Variants in SATB1 observed in about 807,000 individuals in gnomAD.
SATB1 encodes DNA-binding protein SATB1.
In SATB1, 11 loss-of-function variants were observed where a neutral mutation model predicts 86.9. The observed-to-expected ratio is 0.13, with a 90% CI of 0.08 to 0.21. SATB1 has a LOEUF of 0.21. Ranked by LOEUF, SATB1 falls within the 10% of genes least tolerant of loss-of-function variation. The pLI is 1.00. For synonymous variants in SATB1, 357 were observed against 357.2 expected, an observed-to-expected ratio of 1.00 and a Z score of 0.01; for missense variants, 551 against 937.6, an observed-to-expected ratio of 0.59 and a Z score of 5.39.
intron 9 of SATB1, among the ~76,000 whole-genome samples, chr3:18,374,074 C>T (rs189523590): frequency 6.6e-6 from 1 of 152,268 alleles, no homozygotes; most frequent in African/African-American, 2.4e-5. Context: ...CCTTTACTGT[C>T]TTACTGCACT....
Position 18,416,896 on chromosome 3 carries a change from A to G in SATB1, c.388+6T>C, listed in dbSNP as rs577140171. 1 of 1,597,906 alleles carries G rather than the reference A, an allele frequency of 6.3e-7. No individual in the cohort carries two copies. Among genetic ancestry groups the G allele is most frequent in the South Asian group, 1.1e-5 (1 of 88,430 alleles). ...ATTTTTCCAACCCCACGTACACATT[A>G]TTTACCTTTGGCCTGGGCAGCAGAG... On this transcript the variant is annotated splice_donor_region_variant and intron_variant, in intron 3 of 10. Transcript: ENST00000338745.
In SATB1 at chr3:18,386,307, GTATC is replaced by G. The variant is rs975325234; in HGVS notation, c.1419+88_1419+91del. The stretch of plus-strand genomic sequence containing the variant: ...CGAATTTAAAAACATATAAATCTAT[GTATC>G]TATCTATCTAATTTCTTATTGAGAT... On this transcript the variant is annotated intron_variant, in intron 8 of 10. Transcript: ENST00000338745. This position sits in a 1 kb window ranked among gnomAD's most constrained non-coding sequence, Gnocchi z 4.5. 13 of 950,274 alleles carry G rather than the reference GTATC, an allele frequency of 1.4e-5. No homozygotes were observed. The highest frequency in any genetic ancestry group is 2.0e-5 in the Non-Finnish European group (12 of 613,550). The allele number at this position is 950,274 out of a possible 1,614,324, so 58.9% of individuals were successfully genotyped here.
Position 18,394,804 on chromosome 3 carries a change from G to A in SATB1, c.864C>T (p.Leu288=), listed in dbSNP as rs1350318136. Residue 288 remains leucine, a synonymous_variant, in exon 7 of 11, where the codon CTC becomes CTT. Transcript: ENST00000338745. The surrounding 1 kb of genome is among the most constrained non-coding windows in gnomAD (Gnocchi z 5.9). ...GGACAGAGGGCTGGCTGCCATGGGA[G>A]AGCTGCGCAGGGGATGGAGGCTGCT... The part of the protein sequence containing the change: ...TAEQPPSPAQ[L]SHGSQPSVRT... 1.2e-6 allele frequency: 2 copies of A among 1,614,056 alleles called. No homozygotes were observed. The highest frequency in any genetic ancestry group is 1.7e-6 in the Non-Finnish European group (2 of 1,180,046).
chr3:18,352,337 AACTTGTT>A lies in SATB1; in HGVS notation c.1576-149_1576-143del. The A allele has an allele frequency of 1.4e-6, 1 of 692,826 alleles. No individual in the cohort carries two copies. The highest frequency in any genetic ancestry group is 2.4e-6 in the Non-Finnish European group (1 of 417,536). 42.9% of individuals were successfully genotyped at this position (692,826 alleles called of 1,614,324 possible). On this transcript the variant is annotated intron_variant, in intron 9 of 10. Transcript: ENST00000338745. The surrounding 1 kb of genome is among the most constrained non-coding windows in gnomAD (Gnocchi z 4.1). ...CCATTCTGCTTTAAAAATTGTTTTTAACTTGTTAAGAGAGGTTATCTGTGGCTGTCAA... is the reference window on the plus strand; with the variant it reads ...CCATTCTGCTTTAAAAATTGTTTTTAAAGAGAGGTTATCTGTGGCTGTCAA...
chr3:18,409,501 T>C (rs1025763077), intron 5 of SATB1: 5 of 152,088 alleles, frequency 3.3e-5, no homozygotes, highest in Non-Finnish European at 7.4e-5. Flanking sequence ...AATTATTTGA[T>C]GTAAGTTTTG....
intron 7 of SATB1, among the ~76,000 whole-genome samples, chr3:18,387,917 T>C (rs1696426537): frequency 1.3e-5 from 2 of 152,314 alleles, no homozygotes; most frequent in African/African-American, 2.4e-5. Context: ...TAATGTACCA[T>C]GTTGCCGAAA....
At chr3:18,358,167 A>G (rs1488417368) in intron 9 of SATB1, among the ~76,000 whole-genome samples, 1 of 152,002 alleles carries the variant, frequency 6.6e-6, no homozygotes, top group East Asian at 1.9e-4. Context: ...AAGGCATTAA[A>G]GTTGAGGGCA....
At chr3:18,382,328 T>C (rs779521310) in intron 8 of SATB1, among the ~76,000 whole-genome samples, 1 of 152,196 alleles carries the variant, frequency 6.6e-6, no homozygotes, top group Non-Finnish European at 1.5e-5. Flanking sequence ...GTAATTCATG[T>C]AAAAGCTGTA....
At chr3:18,379,374 G>A (rs552312931) in intron 8 of SATB1, among the ~76,000 whole-genome samples, 1 of 152,116 alleles carries the variant, frequency 6.6e-6, no homozygotes, top group African/African-American at 2.4e-5. Context: ...AATTACTACA[G>A]ATACAAAACC....
In SATB1 at chr3:18,346,973, AT is replaced by A. The variant is rs1694089422; in HGVS notation, c.*2196del. ...GCCAGAATGTTTGTTTTCTTACTAA[AT>A]AAAAAGTGGCAACTTTTCAGTACAA... is the stretch of plus-strand genomic sequence containing the variant. On this transcript the variant is annotated 3_prime_UTR_variant, in exon 11 of 11. Coordinates refer to ENST00000338745, the MANE Select transcript of SATB1 (RefSeq NM_002971.6). 1 of 152,164 alleles carries A rather than the reference AT, an allele frequency of 6.6e-6. No individual in the cohort carries two copies. Among genetic ancestry groups the A allele is most frequent in the Non-Finnish European group, 1.5e-5 (1 of 68,024 alleles). The allele number at this position is 152,164 out of a possible 1,614,324, so 9.4% of individuals were successfully genotyped here. A position where few individuals can be genotyped will look rare whatever the true frequency, so the allele number is the denominator to read the frequency against.
intron 1 of SATB1, chr3:18,445,158 G>C (rs1198819506): frequency 1.1e-6 from 1 of 906,294 alleles, no homozygotes; most frequent in Non-Finnish European, 1.3e-6. Flanking sequence ...TGCGGCGCGG[G>C]CTGGCCAGCG....
Position 18,444,556 on chromosome 3 carries a change from A to G in SATB1, c.-25+962T>C. On this transcript the variant is annotated intron_variant, in intron 1 of 3. Coordinates refer to the SATB1 transcript ENST00000415069. The surrounding 1 kb of genome is among the most constrained non-coding windows in gnomAD (Gnocchi z 5.1). ...ATTCCGGAAAAAGAGGGACAGAGAT[A>G]AAACAGCAAGAGTAGCAAGGGGAAA... 2 of 982,662 alleles carry G rather than the reference A, an allele frequency of 2.0e-6. No individual in the cohort carries two copies. Among genetic ancestry groups the G allele is most frequent in the African/African-American group, 1.7e-5 (1 of 57,296 alleles). 60.9% of individuals were successfully genotyped at this position (982,662 alleles called of 1,614,324 possible).
rs1354104343 is a variant in SATB1 at position 18,425,129 on chromosome 3, G to A, written c.-1527C>T. On this transcript the variant is annotated 5_prime_UTR_variant, in exon 1 of 11. Coordinates refer to ENST00000338745, the MANE Select transcript of SATB1 (RefSeq NM_002971.6). Reference sequence around the variant, plus strand: ...GTCCGCCCGGGCTGCAGCCCTCTCCGCCGCTGCTCCTGCTGCTGCTGCCGC... The same window carrying A: ...GTCCGCCCGGGCTGCAGCCCTCTCCACCGCTGCTCCTGCTGCTGCTGCCGC... 1.2e-5 allele frequency: 2 copies of A among 172,584 alleles called. No individual in the cohort carries two copies. The highest frequency in any genetic ancestry group is 6.4e-5 in the Admixed American group (1 of 15,608). 10.7% of individuals were successfully genotyped at this position (172,584 alleles called of 1,614,324 possible). A position where few individuals can be genotyped will look rare whatever the true frequency, so the allele number is the denominator to read the frequency against.
At chr3:18,442,194 C>T (rs181051854), upstream of SATB1, among the ~76,000 whole-genome samples, 11 of 152,136 alleles carry the variant, frequency 7.2e-5, no homozygotes, top group Admixed American at 6.5e-4. Context: ...CCTGCCCTCC[C>T]ACCAAATTTT....
chr3:18,416,098 G>A lies in SATB1; in HGVS notation c.424C>T (p.Leu142=). The A allele has an allele frequency of 1.2e-6, 2 of 1,610,742 alleles. No individual in the cohort carries two copies. Among genetic ancestry groups the A allele is most frequent in the Non-Finnish European group, 1.7e-6 (2 of 1,177,896 alleles). Residue 142 remains leucine (L), a synonymous_variant, in exon 4 of 11, where the codon CTG becomes TTG. Transcript: ENST00000338745. Reference sequence around the variant, plus strand: ...TCAGGGGCATCTGTCACGTAAGACAGTGGAACTGGATTCCACTTTCCAACC... The same window carrying A: ...TCAGGGGCATCTGTCACGTAAGACAATGGAACTGGATTCCACTTTCCAACC... ...IQVGKWNPVP[L]SYVTDAPDAT...
At chr3:18,383,799 C>A (rs1404929781) in intron 8 of SATB1, among the ~76,000 whole-genome samples, 2 of 152,042 alleles carry the variant, frequency 1.3e-5, no homozygotes, top group Admixed American at 1.3e-4. Context: ...ATCTAAAGTA[C>A]TAATTTTGCA....
chr3:18,412,258 T>C (rs1170470227), intron 5 of SATB1, among the ~76,000 whole-genome samples: 2 of 152,070 alleles, frequency 1.3e-5, no homozygotes, highest in Non-Finnish European at 2.9e-5. Flanking sequence ...TCCCTTCTGG[T>C]TCTAAGAATC....
intron 5 of SATB1, among the ~76,000 whole-genome samples, chr3:18,400,504 T>C (rs1697205280): frequency 6.6e-6 from 1 of 152,190 alleles, no homozygotes. Context: ...TGAGAATCCA[T>C]CAATTCAGGC....
upstream of SATB1, among the ~76,000 whole-genome samples, chr3:18,439,681 G>A (rs939101486): frequency 6.6e-6 from 1 of 152,148 alleles, no homozygotes; most frequent in African/African-American, 2.4e-5. Flanking sequence ...CTACCCTGAT[G>A]TCAGTGGAAT....
Sources: gnomAD v4.1 joint callset for allele counts (sites outside exome capture counted in the v4.1 genomes callset) on GRCh38, gnomAD v4.1.1 for gene constraint, Gnocchi (gnomAD v3.1) non-coding constraint, MANE v1.5 for transcripts, NCBI Gene and HGNC (gene_info 2026-07-23, HGNC 2026-07-21) for gene names.